Variants in TTYH1 observed in about 807,000 individuals in gnomAD.
TTYH1 encodes tweety family member 1.
Under a neutral mutation model 61.2 loss-of-function variants are expected in TTYH1, and 33 were observed. The observed-to-expected ratio is 0.54, with a 90% CI of 0.41 to 0.72. TTYH1 has a LOEUF of 0.72. TTYH1 is among the 30% of genes least tolerant of loss of function. The pLI, the probability that TTYH1 is intolerant of heterozygous loss-of-function variation, is 0.00. For synonymous variants in TTYH1, 308 were observed against 266.4 expected (o/e 1.16, Z -1.52); for missense variants, 538 against 575.8 (o/e 0.93, Z 0.67).
Position 54,421,443 on chromosome 19 carries a change from C to T in TTYH1, c.417+55C>T. 6.7e-6 allele frequency: 8 copies of T among 1,199,464 alleles called. No homozygotes were observed. The highest frequency in any genetic ancestry group is 1.0e-5 in the Non-Finnish European group (8 of 802,984). The allele number at this position is 1,199,464 out of a possible 1,614,324, so 74.3% of individuals were successfully genotyped here. ...GACCCACACCTGGACGGGCTCCCCA[C>T]ACCCAAGGACAAAGGGATCCAAACT... On this transcript the variant is annotated intron_variant, in intron 3 of 13. Coordinates refer to ENST00000376530, the MANE Select transcript of TTYH1 (RefSeq NM_020659.4). This position sits in a 1 kb window ranked among gnomAD's most constrained non-coding sequence, Gnocchi z 4.8.
Position 54,430,576 on chromosome 19 carries a change from A to C in TTYH1, c.910A>C (p.Asn304His), listed in dbSNP as rs1186678157. The C allele has an allele frequency of 1.9e-6, 3 of 1,613,930 alleles. No homozygotes were observed. ...SDILSYYLLC[N>H]RAVSNPFQQR... is the part of the protein sequence containing the mutation. ...CATCCTGAGCTATTATCTCCTCTGC[A>C]ACCGGGCCGTCTCCAACCCCTTCCA... The change falls in exon 8 of 14, where the codon AAC (asparagine) becomes CAC (histidine). Residue 304 changes from asparagine to histidine, a missense_variant. By Grantham distance (68) the Asn-to-His change is moderately conservative. Coordinates refer to ENST00000376530, the MANE Select transcript of TTYH1 (RefSeq NM_020659.4).
At position 54,429,966 on chromosome 19, in the gene TTYH1, C is replaced by T. The variant is rs1278249789; in HGVS notation, c.883+9C>T. ...GACAGGGCTCAGCTCAGGTGATTTC[C>T]AAGGGCCCGGTGGGTCCGCCGGGTT... On this transcript the variant is annotated intron_variant, in intron 7 of 13. Transcript: ENST00000376530. This position sits in a 1 kb window ranked among gnomAD's most constrained non-coding sequence, Gnocchi z 5.1. 5.0e-6 allele frequency: 8 copies of T among 1,613,292 alleles called. No homozygotes were observed. The highest frequency in any genetic ancestry group is 6.8e-6 in the Non-Finnish European group (8 of 1,179,396).
At position 54,419,801 on chromosome 19, in the gene TTYH1, A is replaced by G. The variant is rs151303841; in HGVS notation, c.305+495A>G. On this transcript the variant is annotated intron_variant, in intron 2 of 13. Coordinates refer to ENST00000376530, the MANE Select transcript of TTYH1 (RefSeq NM_020659.4). This position sits in a 1 kb window ranked among gnomAD's most constrained non-coding sequence, Gnocchi z 6.1. Reference sequence around the variant, plus strand: ...CAGCTCATTCATTCGACAACTGTTTATTGAGTATTTACTATGTGCCAGATA... The same window carrying G: ...CAGCTCATTCATTCGACAACTGTTTGTTGAGTATTTACTATGTGCCAGATA... Among the ~76,000 whole-genome samples, 43 of 152,246 alleles carry G rather than the reference A, an allele frequency of 2.8e-4. 3 individuals carry two copies. The highest frequency in any genetic ancestry group is 2.0e-3 in the Admixed American group (30 of 15,282).
At chr19:54,417,012 G>A (rs2083094997) in intron 1 of TTYH1, 5 of 1,182,038 alleles carry the variant, frequency 4.2e-6, no homozygotes, top group South Asian at 1.5e-5. Context: ...CCCCACAGCC[G>A]AGGAGGGCAA....
Position 54,419,593 on chromosome 19 carries a change from T to C in TTYH1, c.305+287T>C, listed in dbSNP as rs1013608066. ...TGGCCTGGTTTTGGTGGCTCTCCCATTGAATAGCTGTGTGACCTAAGGGAG... is the reference window on the plus strand; with the variant it reads ...TGGCCTGGTTTTGGTGGCTCTCCCACTGAATAGCTGTGTGACCTAAGGGAG... On this transcript the variant is annotated intron_variant, in intron 2 of 13. Coordinates refer to ENST00000376530, the MANE Select transcript of TTYH1 (RefSeq NM_020659.4). This position sits in a 1 kb window ranked among gnomAD's most constrained non-coding sequence, Gnocchi z 6.1. The C allele has an allele frequency of 5.6e-5, 37 of 658,908 alleles. No homozygotes were observed. Among genetic ancestry groups the C allele is most frequent in the South Asian group, 4.7e-4 (31 of 66,344 alleles). The allele number at this position is 658,908 out of a possible 1,614,324, so 40.8% of individuals were successfully genotyped here.
chr19:54,430,478 C>T, intron 7 of TTYH1, 72 bp from the exon 8 acceptor site: 1 of 1,550,398 alleles, frequency 6.4e-7, no homozygotes, highest in South Asian at 1.1e-5. Context: ...CCCCCCAGTG[C>T]CCGGCCTTCC....
At position 54,436,535 on chromosome 19, in the gene TTYH1, G is replaced by C. The variant is rs190614969; in HGVS notation, c.*245G>C. ...GGCAGGGGAGGGGGCAGACAGCCTC[G>C]CCTCGCACCCTTCATCCCTGGCTGC... On this transcript the variant is annotated 3_prime_UTR_variant, in exon 14 of 14. Transcript: ENST00000376530. This position sits in a 1 kb window ranked among gnomAD's most constrained non-coding sequence, Gnocchi z 4.3. 1 of 726,202 alleles carries C rather than the reference G, an allele frequency of 1.4e-6. No individual in the cohort carries two copies. Among genetic ancestry groups the C allele is most frequent in the East Asian group, 2.7e-5 (1 of 36,974 alleles). 45.0% of individuals were successfully genotyped at this position (726,202 alleles called of 1,614,324 possible).
intron 10 of TTYH1, chr19:54,435,248 G>A (rs2083519189): frequency 2.6e-6 from 1 of 388,672 alleles, no homozygotes; most frequent in South Asian, 6.5e-5. Context: ...TGACTGGGGA[G>A]GACCCATGTG....
In TTYH1 at chr19:54,433,913, G is replaced by T. The variant is rs565484224; in HGVS notation, c.1126-1629G>T. Among the ~76,000 whole-genome samples the T allele has an allele frequency of 7.2e-5, 11 of 152,146 alleles. No homozygotes were observed. In the East Asian group the frequency reaches 2.1e-3, roughly 29 times the overall value. ...AGCGTGAGAGGGTCAGTGTCTGCCT[G>T]GCAGGGCTGTTGTGAGGATGAAGGA... On this transcript the variant is annotated intron_variant, in intron 10 of 13. Transcript: ENST00000376530.
chr19:54,416,119 G>C lies in TTYH1; in HGVS notation c.126+441G>C. On this transcript the variant is annotated intron_variant, in intron 1 of 13. Coordinates refer to ENST00000376530, the MANE Select transcript of TTYH1 (RefSeq NM_020659.4). The surrounding 1 kb of genome is among the most constrained non-coding windows in gnomAD (Gnocchi z 7.0). ...CCAGGAGACAGCGGACCTGATAACG[G>C]TGGCGGGGAAAACGCTGGCTGCTGC... The C allele has an allele frequency of 7.8e-7, 1 of 1,286,788 alleles. No individual in the cohort carries two copies. Among genetic ancestry groups the C allele is most frequent in the Non-Finnish European group, 1.0e-6 (1 of 973,592 alleles). 79.7% of individuals were successfully genotyped at this position (1,286,788 alleles called of 1,614,324 possible). A position where few individuals can be genotyped will look rare whatever the true frequency, so the allele number is the denominator to read the frequency against.
In TTYH1 at chr19:54,429,420, G is replaced by A. The variant is rs199949962; in HGVS notation, c.807+41G>A. ...GGGCCATTGGGCTCTGGGACTCAGG[G>A]GGCCTGGAGACTTCAACTTCTGGAT... On this transcript the variant is annotated intron_variant, in intron 6 of 13. Transcript: ENST00000376530. This position sits in a 1 kb window ranked among gnomAD's most constrained non-coding sequence, Gnocchi z 5.1. 946 of 1,582,302 alleles carry A rather than the reference G, an allele frequency of 6.0e-4. 1 individual carries two copies. Among genetic ancestry groups the A allele is most frequent in the Non-Finnish European group, 7.9e-4 (917 of 1,153,930 alleles).
Position 54,422,272 on chromosome 19 carries a change from A to T in TTYH1, c.500A>T (p.Glu167Val). The T allele has an allele frequency of 6.4e-7, 1 of 1,567,168 alleles. No homozygotes were observed. Among genetic ancestry groups the T allele is most frequent in the Non-Finnish European group, 8.6e-7 (1 of 1,156,474 alleles). Residue 167 changes from glutamate (E) to valine (V), a missense_variant, in exon 4 of 14, where the codon GAG becomes GTG. Physicochemically the swap from Glu to Val is moderately radical, Grantham distance 121 (BLOSUM62 -2). This residue lies in a region of TTYH1 where 378 missense variants were observed against 401.2 expected (regional missense o/e 0.94). Transcript: ENST00000376530. The stretch of plus-strand genomic sequence containing the variant: ...GAGGAGGTGCTCGAGCCGCGCACGG[A>T]GCTGGTGGCTGCCGCCCGAGGGGCT... ...TLEEVLEPRTELVAAARGARR... is the reference protein window; with the variant it reads ...TLEEVLEPRTVLVAAARGARR...
chr19:54,417,013 A>C, intron 1 of TTYH1: 3 of 1,178,526 alleles, frequency 2.5e-6, no homozygotes, highest in Non-Finnish European at 3.2e-6. Context: ...CCCACAGCCG[A>C]GGAGGGCAAG....
rs986027897 is a variant in TTYH1 at position 54,421,821 on chromosome 19, C to T, written c.418-369C>T. Reference sequence around the variant, plus strand: ...GGCTGAGGCCTGGCCCCACTTCATGCCTTAGATTCCATGTCCAGCTGCAGA... The same window carrying T: ...GGCTGAGGCCTGGCCCCACTTCATGTCTTAGATTCCATGTCCAGCTGCAGA... On this transcript the variant is annotated intron_variant, in intron 3 of 13. Coordinates refer to ENST00000376530, the MANE Select transcript of TTYH1 (RefSeq NM_020659.4). This position sits in a 1 kb window ranked among gnomAD's most constrained non-coding sequence, Gnocchi z 4.8. Among the ~76,000 whole-genome samples the T allele has an allele frequency of 6.6e-6, 1 of 152,118 alleles. No homozygotes were observed. The highest frequency in any genetic ancestry group is 2.4e-5 in the African/African-American group (1 of 41,432).
chr19:54,426,728 C>G lies in TTYH1; in HGVS notation c.694C>G (p.Leu232Val). 6.2e-7 allele frequency: 1 copy of G among 1,614,070 alleles called. No homozygotes were observed. Among genetic ancestry groups the G allele is most frequent in the Non-Finnish European group, 8.5e-7 (1 of 1,180,018 alleles). ...GGAGCTGCTGGTCTGCCTCTTCACC[C>G]TCCTGGGCCTGGCGAAGCAGAGCAA... is the stretch of plus-strand genomic sequence containing the variant. ...LLELLVCLFT[L>V]LGLAKQSKWL... The change falls in exon 5 of 14, where the codon CTC (leucine) becomes GTC (valine). Residue 232 changes from leucine (L) to valine (V), a missense_variant. Transcript: ENST00000376530.
intron 10 of TTYH1, 46 bp from the exon 11 acceptor site, chr19:54,435,495 TG>T: frequency 6.5e-7 from 1 of 1,543,274 alleles, no homozygotes. Flanking sequence ...TGTGTGCCGA[TG>T]GGGGAGGGGG....
At position 54,431,259 on chromosome 19, in the gene TTYH1, C is replaced by T. The variant is rs962089854; in HGVS notation, c.1125+68C>T. 8 of 1,076,606 alleles carry T rather than the reference C, an allele frequency of 7.4e-6. No individual in the cohort carries two copies. In the African/African-American group the frequency reaches 1.2e-4, roughly 17 times the overall value. The allele number at this position is 1,076,606 out of a possible 1,614,324, so 66.7% of individuals were successfully genotyped here. On this transcript the variant is annotated intron_variant, in intron 10 of 13. Coordinates refer to ENST00000376530, the MANE Select transcript of TTYH1 (RefSeq NM_020659.4). ...TCTGTCTCGACCCACAGAACTACCT[C>T]CTCCTTCTCCTTGGACCCCTGCCAT...
At position 54,436,120 on chromosome 19, in the gene TTYH1, G is replaced by A. The variant is rs1368395195; in HGVS notation, c.1344G>A (p.Ser448=). 1 of 1,614,124 alleles carries A rather than the reference G, an allele frequency of 6.2e-7. No individual in the cohort carries two copies. The highest frequency in any genetic ancestry group is 8.5e-7 in the Non-Finnish European group (1 of 1,180,004). ...CCAAGCGCTTTGTGCAGTGGCAGTC[G>A]TCTATCTGAGCCCCTCCTCCCGGCT... The part of the protein sequence containing the change: ...QESKRFVQWQ[S]SI Residue 448 remains serine, a synonymous_variant, in exon 13 of 14, where the codon TCG becomes TCA. Transcript: ENST00000376530. This position sits in a 1 kb window ranked among gnomAD's most constrained non-coding sequence, Gnocchi z 4.3.
chr19:54,430,350 G>A (rs2083409902), intron 7 of TTYH1, among the ~76,000 whole-genome samples, 200 bp from the exon 8 acceptor site: 2 of 152,172 alleles, frequency 1.3e-5, no homozygotes, highest in South Asian at 4.1e-4. Context: ...GGAGTATAGG[G>A]TTGCCCACCA....
Sources: allele counts gnomAD v4.1 joint callset (sites outside exome capture counted in the v4.1 genomes callset), GRCh38; gene constraint gnomAD v4.1.1; regional missense constraint gnomAD v4.1.1; non-coding constraint Gnocchi (gnomAD v3.1); transcripts MANE v1.5; gene names NCBI Gene and HGNC (gene_info 2026-07-23, HGNC 2026-07-21).